RIMS1: variants seen among roughly 807,000 people sequenced by gnomAD.
The protein encoded by RIMS1 is regulating synaptic membrane exocytosis protein 1.
RIMS1 carries 83 observed loss-of-function variants against 214.1 expected under a neutral mutation model. The observed-to-expected ratio is 0.39, with a 90% CI of 0.32 to 0.47. The LOEUF (loss-of-function observed/expected upper bound fraction) is 0.47. Ranked by LOEUF, RIMS1 falls within the 20% of genes least tolerant of loss-of-function variation. RIMS1 has a pLI of 0.99. For synonymous variants in RIMS1, 793 were observed against 786.8 expected (o/e 1.01, Z -0.13); for missense variants, 2,050 against 2,161.8 (o/e 0.95, Z 1.03).
At chr6:71,893,149 T>C (rs1021626160) in intron 1 of RIMS1, among the ~76,000 whole-genome samples, 1 of 152,180 alleles carries the variant, frequency 6.6e-6, no homozygotes, top group Non-Finnish European at 1.5e-5. Context: ...TTGAAGGTAC[T>C]AGGGGGCTTG....
chr6:72,338,623 G>A (rs1252341824), intron 29 of RIMS1, among the ~76,000 whole-genome samples: 1 of 151,720 alleles, frequency 6.6e-6, no homozygotes, highest in African/African-American at 2.4e-5. Context: ...AAATTTACAA[G>A]AAAAAAACAA....
At chr6:72,023,058 G>A (rs1238123039) in intron 2 of RIMS1, among the ~76,000 whole-genome samples, 4 of 152,112 alleles carry the variant, frequency 2.6e-5, no homozygotes, top group African/African-American at 4.8e-5. Context: ...GTTGAGAATT[G>A]CAGGCTGTTT....
chr6:72,215,541 T>C (rs2055525103), intron 6 of RIMS1, among the ~76,000 whole-genome samples: 2 of 152,218 alleles, frequency 1.3e-5, no homozygotes, highest in African/African-American at 4.8e-5. Context: ...CCATCTCTAA[T>C]ATGGGATAAG....
intron 6 of RIMS1, among the ~76,000 whole-genome samples, chr6:72,232,043 T>G (rs991789971): frequency 1.3e-5 from 2 of 151,656 alleles, no homozygotes; most frequent in Non-Finnish European, 3.0e-5. Flanking sequence ...GTGTTTAAAG[T>G]AGAAAGAATT....
Position 72,293,408 on chromosome 6 carries a change from A to G in RIMS1, c.3850+1362A>G, listed in dbSNP as rs538102165. ...AAAATTATTCATAATTAATCTGGCA[A>G]TAACCCAGATGAAATTGTTTTAAAA... On this transcript the variant is annotated intron_variant, in intron 26 of 33. Transcript: ENST00000521978. 2.0e-5 allele frequency among the ~76,000 whole-genome samples: 3 copies of G among 152,066 alleles called. No individual in the cohort carries two copies. In the South Asian group the frequency reaches 6.2e-4, roughly 31 times the overall value.
chr6:72,193,898 A>G (rs1186980220), intron 6 of RIMS1, among the ~76,000 whole-genome samples: 1 of 152,190 alleles, frequency 6.6e-6, no homozygotes, highest in Non-Finnish European at 1.5e-5. Context: ...ATGAGCCCCA[A>G]TAGAGTGAGA....
chr6:72,078,090 A>T (rs1375281261), intron 2 of RIMS1, among the ~76,000 whole-genome samples: 1 of 152,224 alleles, frequency 6.6e-6, no homozygotes, highest in African/African-American at 2.4e-5. Flanking sequence ...ATCTGTTAAA[A>T]ACTATAATAA....
chr6:72,159,762 T>A (rs145236937), intron 4 of RIMS1, among the ~76,000 whole-genome samples: 21,187 of 139,172 alleles, frequency 0.15, 5,190 homozygotes, highest in South Asian at 0.24. Context: ...TCTGTTTTGG[T>A]ACCAGTACCA....
chr6:72,251,033 G>A lies in RIMS1; in HGVS notation c.2485G>A (p.Glu829Lys). 6.3e-7 allele frequency: 1 copy of A among 1,581,540 alleles called. No individual in the cohort carries two copies. The highest frequency in any genetic ancestry group is 8.6e-7 in the Non-Finnish European group (1 of 1,162,564). ...TAGAGATTTTAGAGAACGAATGTTA[G>A]AAATAACTGTGTGGGACCAACCAAG... ...HRRDFRERML[E>K]ITVWDQPRVQ... The change falls in exon 14 of 34, where the codon GAA (glutamate) becomes AAA (lysine). Residue 829 changes from glutamate (E) to lysine (K), a missense_variant. Physicochemically the swap from Glu to Lys is moderately conservative, Grantham distance 56. Transcript: ENST00000521978.
intron 2 of RIMS1, among the ~76,000 whole-genome samples, chr6:72,073,348 C>T (rs1831028072): frequency 2.0e-5 from 3 of 152,188 alleles, no homozygotes; most frequent in Non-Finnish European, 2.9e-5. Context: ...ACACTTATCT[C>T]AACGAAATCA....
At chr6:72,195,744 A>G (rs2050755243) in intron 6 of RIMS1, among the ~76,000 whole-genome samples, 1 of 152,174 alleles carries the variant, frequency 6.6e-6, no homozygotes, top group Non-Finnish European at 1.5e-5. Context: ...TTTGACTAGA[A>G]GTGTATTAGT....
At chr6:71,912,536 A>G (rs973116478) in intron 1 of RIMS1, among the ~76,000 whole-genome samples, 5 of 152,110 alleles carry the variant, frequency 3.3e-5, no homozygotes, top group Non-Finnish European at 7.4e-5. Context: ...ATATGATTAC[A>G]TATTTATTTA....
chr6:72,052,640 C>A (rs1456152604), intron 2 of RIMS1, among the ~76,000 whole-genome samples: 3 of 152,112 alleles, frequency 2.0e-5, no homozygotes, highest in Non-Finnish European at 2.9e-5. Flanking sequence ...ATACATTGGG[C>A]AAATCATTTA....
intron 28 of RIMS1, among the ~76,000 whole-genome samples, chr6:72,314,078 G>A (rs1168875190): frequency 6.6e-6 from 1 of 152,218 alleles, no homozygotes; most frequent in East Asian, 1.9e-4. Context: ...GTGTGTGTAT[G>A]TGGGTGTAGT....
At chr6:72,271,455 T>TACCTCATATA (rs1230625485) in intron 22 of RIMS1, among the ~76,000 whole-genome samples, 1 of 151,806 alleles carries the variant, frequency 6.6e-6, no homozygotes, top group Non-Finnish European at 1.5e-5. Context: ...AATGTTGTAA[T>TACCTCATATA]ACCTCATATT....
chr6:72,091,413 C>G (rs940675364), intron 2 of RIMS1, among the ~76,000 whole-genome samples: 4 of 152,148 alleles, frequency 2.6e-5, no homozygotes, highest in Admixed American at 6.6e-5. Context: ...AAGGATTTCT[C>G]TACATTCCAC....
chr6:72,358,306 A>G (rs1693700868), intron 29 of RIMS1, among the ~76,000 whole-genome samples: 1 of 152,140 alleles, frequency 6.6e-6, no homozygotes, highest in Non-Finnish European at 1.5e-5. Flanking sequence ...TGTTTTTAAG[A>G]TCATTATTTC....
intron 2 of RIMS1, among the ~76,000 whole-genome samples, chr6:72,064,606 G>A (rs77446424): frequency 1.3e-5 from 2 of 152,214 alleles, no homozygotes; most frequent in South Asian, 2.1e-4. Flanking sequence ...AGCTGGGTGC[G>A]TCATCTCGAT....
chr6:72,124,970 C>G (rs1562371361), intron 4 of RIMS1, among the ~76,000 whole-genome samples: 1 of 152,206 alleles, frequency 6.6e-6, no homozygotes, highest in Non-Finnish European at 1.5e-5. Flanking sequence ...CCTTCTGAAG[C>G]CTACTTCTGT....
Sources: gnomAD v4.1 joint callset for allele counts (sites outside exome capture counted in the v4.1 genomes callset) on GRCh38, gnomAD v4.1.1 for gene constraint, MANE v1.5 for transcripts, NCBI Gene and HGNC (gene_info 2026-07-23, HGNC 2026-07-21) for gene names.